The following GSG1L variants were observed in gnomAD, a reference collection of about 807,000 sequenced individuals.
GSG1L encodes GSG1 like.
GSG1L carries 24 observed loss-of-function variants against 42.1 expected under a neutral mutation model. The observed-to-expected ratio is 0.57, with a 90% CI of 0.41 to 0.80. The LOEUF (loss-of-function observed/expected upper bound fraction) is 0.80. GSG1L is among the 30% of genes least tolerant of loss of function. The probability of loss-of-function intolerance (pLI) is 0.00; values close to 1 mark genes in which losing one functional copy is unlikely to be tolerated. For synonymous variants in GSG1L, 215 were observed against 203.5 expected, an observed-to-expected ratio of 1.06 and a Z score of -0.48; for missense variants, 445 against 472.2, an observed-to-expected ratio of 0.94 and a Z score of 0.53.
At position 27,802,570 on chromosome 16, in the gene GSG1L, G is replaced by A. The variant is rs189814003; in HGVS notation, c.898+4917C>T. ...CAGGATTTGGAAAGTCTCTGGGGGC[G>A]ACTGACAGTTTTCCACAGCTCTTTC... On this transcript the variant is annotated intron_variant, in intron 6 of 6. Coordinates refer to ENST00000447459, the MANE Select transcript of GSG1L (RefSeq NM_001109763.2). Among the ~76,000 whole-genome samples, 5 of 152,140 alleles carry A rather than the reference G, an allele frequency of 3.3e-5. No individual in the cohort carries two copies. The East Asian group carries it at 5.8e-4, about 18-fold the overall frequency.
Position 27,912,981 on chromosome 16 carries a change from T to TTG in GSG1L, c.398-28345_398-28344dup, listed in dbSNP as rs534327727. Among the ~76,000 whole-genome samples, 597 of 151,544 alleles carry TTG rather than the reference T, an allele frequency of 3.9e-3. 2 individuals carry two copies. The highest frequency in any genetic ancestry group is 0.012 in the African/African-American group (509 of 41,036). On this transcript the variant is annotated intron_variant, in intron 2 of 6. Coordinates refer to ENST00000447459, the MANE Select transcript of GSG1L (RefSeq NM_001109763.2). ...TGGCAGAATCTTTATTTTTATTTATTTGTGTGTGTGTGTTTTTTTTTAATG... is the reference window on the plus strand; with the variant it reads ...TGGCAGAATCTTTATTTTTATTTATTTGTGTGTGTGTGTGTTTTTTTTTAATG...
chr16:27,888,483 CT>C (rs1334938496), intron 2 of GSG1L, among the ~76,000 whole-genome samples: 223 of 5,300 alleles, frequency 0.042, 28 homozygotes, highest in South Asian at 0.13. Flanking sequence ...TCTCTCTTTC[CT>C]TTCTTTCTTT....
intron 6 of GSG1L, among the ~76,000 whole-genome samples, chr16:27,801,518 AT>A (rs1321536212): frequency 6.6e-6 from 1 of 152,150 alleles, no homozygotes; most frequent in Non-Finnish European, 1.5e-5. Context: ...CCGCAGAAAT[AT>A]TGCAAAACTC....
At position 27,886,771 on chromosome 16, in the gene GSG1L, G is replaced by C. The variant is rs2084035561; in HGVS notation, c.398-2133C>G. Among the ~76,000 whole-genome samples the C allele has an allele frequency of 3.9e-5, 6 of 152,230 alleles. No homozygotes were observed. The South Asian group carries it at 1.2e-3, about 32-fold the overall frequency. On this transcript the variant is annotated intron_variant, in intron 2 of 6. Coordinates refer to ENST00000447459, the MANE Select transcript of GSG1L (RefSeq NM_001109763.2). The stretch of plus-strand genomic sequence containing the variant: ...CACATCCCCATGGCTTGCCTTCCAG[G>C]TCACACTAGTCATGTGGTCTCCCAA...
chr16:27,884,541 A>G lies in GSG1L; in HGVS notation c.495T>C (p.Asn165=), dbSNP rs753880602. ...LMCLELFHSS[N]VIDGLKLNAF... ...CATTGAGCTTGAGCCCGTCGATGAC[A>G]TTGCTGGAGTGGAAGAGCTCGAGAC... Residue 165 remains asparagine, a synonymous_variant, in exon 3 of 7, where the codon AAT becomes AAC. Transcript: ENST00000447459. The surrounding 1 kb of genome is among the most constrained non-coding windows in gnomAD (Gnocchi z 4.4). 1.1e-5 allele frequency: 17 copies of G among 1,613,966 alleles called. No homozygotes were observed. Among genetic ancestry groups the G allele is most frequent in the East Asian group, 8.9e-5 (4 of 44,880 alleles).
At chr16:28,019,533 C>T (rs889462365) in intron 1 of GSG1L, among the ~76,000 whole-genome samples, 1 of 152,202 alleles carries the variant, frequency 6.6e-6, no homozygotes, top group Non-Finnish European at 1.5e-5. Context: ...CCTATGGAGT[C>T]ACCATTCTTT....
intron 1 of GSG1L, among the ~76,000 whole-genome samples, chr16:28,046,167 C>T (rs1292885672): frequency 2.0e-5 from 3 of 152,058 alleles, no homozygotes; most frequent in Non-Finnish European, 4.4e-5. Flanking sequence ...ATCACTTCCT[C>T]ATCACCAGAT....
chr16:27,882,396 G>A (rs2083970046), intron 3 of GSG1L, among the ~76,000 whole-genome samples: 1 of 151,932 alleles, frequency 6.6e-6, no homozygotes, highest in African/African-American at 2.4e-5. Context: ...CGACCGTGTT[G>A]CCCCTTGCTC....
chr16:28,021,726 G>A (rs978885491), intron 1 of GSG1L, among the ~76,000 whole-genome samples: 1 of 152,084 alleles, frequency 6.6e-6, no homozygotes, highest in East Asian at 1.9e-4. Flanking sequence ...CACTTTGGTG[G>A]GTACCTTTCT....
intron 2 of GSG1L, among the ~76,000 whole-genome samples, chr16:27,895,878 C>A (rs1358867923): frequency 1.3e-5 from 2 of 152,192 alleles, no homozygotes; most frequent in African/African-American, 4.8e-5. Flanking sequence ...GGATGTGATT[C>A]CATTCCGATG....
At chr16:27,979,903 G>C (rs1222339662) in intron 1 of GSG1L, among the ~76,000 whole-genome samples, 1 of 151,624 alleles carries the variant, frequency 6.6e-6, no homozygotes, top group Admixed American at 6.6e-5. Flanking sequence ...GGAAGGAAAA[G>C]AGAGAGAGAA....
At chr16:27,976,207 G>A (rs1235823437) in intron 1 of GSG1L, among the ~76,000 whole-genome samples, 1 of 152,170 alleles carries the variant, frequency 6.6e-6, no homozygotes, top group Non-Finnish European at 1.5e-5. Context: ...CCCAGGAGGT[G>A]GAGGTTGCAG....
chr16:27,804,632 T>C (rs1482337527), intron 6 of GSG1L, among the ~76,000 whole-genome samples: 2 of 148,812 alleles, frequency 1.3e-5, no homozygotes, highest in African/African-American at 5.0e-5. Context: ...GAATGAAAGA[T>C]GAAATCGTTC....
At chr16:27,877,638 C>T (rs2083904483) in intron 3 of GSG1L, among the ~76,000 whole-genome samples, 1 of 152,130 alleles carries the variant, frequency 6.6e-6, no homozygotes, top group Admixed American at 6.5e-5. Context: ...CTATATAACC[C>T]TCTGCTGCCA....
At chr16:28,053,020 G>A (rs561153154) in intron 1 of GSG1L, among the ~76,000 whole-genome samples, 146 of 152,360 alleles carry the variant, frequency 9.6e-4, no homozygotes, top group East Asian at 7.7e-4. Context: ...TGGCAGAGGG[G>A]GGCAGAGAGT....
At chr16:28,019,702 G>GTGA (rs1567557985) in intron 1 of GSG1L, among the ~76,000 whole-genome samples, 3 of 152,152 alleles carry the variant, frequency 2.0e-5, no homozygotes, top group Non-Finnish European at 2.9e-5. Flanking sequence ...AGCATCAATC[G>GTGA]TCCAAAGGGT....
rs544782718 is a variant in GSG1L, at chr16:28,022,944, A to G, written c.349+40132T>C. Among the ~76,000 whole-genome samples the G allele has an allele frequency of 3.9e-4, 59 of 152,200 alleles. No homozygotes were observed. The South Asian group carries it at 1.0e-2, about 26-fold the overall frequency. On this transcript the variant is annotated intron_variant, in intron 1 of 6. Coordinates refer to ENST00000447459, the MANE Select transcript of GSG1L (RefSeq NM_001109763.2). ...CTCAGCCTCCCAAAGTGCTGGGATT[A>G]CAGATGTGAGCCACTGCACCCAGCC...
chr16:27,869,783 CTCCTTCTCTCTTTGTCTCTG>C (rs2083787103), intron 3 of GSG1L, among the ~76,000 whole-genome samples: 1 of 145,656 alleles, frequency 6.9e-6, no homozygotes, highest in Non-Finnish European at 1.5e-5. Flanking sequence ...CTAGCTCTCT[CTCCTTCTCTCTTTGTCTCTG>C]TCTCCCTCCA....
chr16:27,878,625 C>A (rs191805616), intron 3 of GSG1L, among the ~76,000 whole-genome samples: 1 of 152,278 alleles, frequency 6.6e-6, no homozygotes, highest in African/African-American at 2.4e-5. Flanking sequence ...TTCATAAAGA[C>A]AGGGTCTCAC....
Sources: allele counts gnomAD v4.1 joint callset (sites outside exome capture counted in the v4.1 genomes callset), GRCh38; gene constraint gnomAD v4.1.1; non-coding constraint Gnocchi (gnomAD v3.1); transcripts MANE v1.5; gene names NCBI Gene and HGNC (gene_info 2026-07-23, HGNC 2026-07-21).